Variants in AP3B1 observed in about 807,000 individuals in gnomAD.
AP3B1 encodes adaptor related protein complex 3 subunit beta 1.
Under a neutral mutation model 132.5 loss-of-function variants are expected in AP3B1, and 61 were observed. The observed-to-expected ratio is 0.46, with a 90% CI of 0.37 to 0.57. AP3B1 has a LOEUF of 0.57. Among genes scored for constraint, AP3B1 ranks in the 20% least tolerant of loss-of-function variants. AP3B1 has a pLI of 0.00. For synonymous variants in AP3B1, 388 were observed against 438.3 expected (o/e 0.89, Z 1.43); for missense variants, 1,120 against 1,289.4 (o/e 0.87, Z 2.01).
At chr5:78,100,267 C>A (rs1459681512) in intron 21 of AP3B1, among the ~76,000 whole-genome samples, 1 of 152,054 alleles carries the variant, frequency 6.6e-6, no homozygotes, top group East Asian at 1.9e-4. Flanking sequence ...AAAACTCTAT[C>A]AAAAATGATA....
chr5:78,290,383 A>G (rs1489118194), intron 1 of AP3B1, among the ~76,000 whole-genome samples: 1 of 152,176 alleles, frequency 6.6e-6, no homozygotes, highest in Non-Finnish European at 1.5e-5. Flanking sequence ...CACCATTCCC[A>G]GCCTCAGTCT....
At chr5:78,164,778 C>T (rs752695332) in intron 12 of AP3B1, among the ~76,000 whole-genome samples, 1 of 151,900 alleles carries the variant, frequency 6.6e-6, no homozygotes, top group African/African-American at 2.4e-5. Context: ...GTTTAAAAAT[C>T]ACATAGCTAA....
intron 22 of AP3B1, among the ~76,000 whole-genome samples, chr5:78,065,258 A>G (rs763128135): frequency 2.7e-4 from 41 of 152,136 alleles, no homozygotes; most frequent in Admixed American, 1.8e-3. Context: ...AGCTGTGCAG[A>G]CTCTCAGTGG....
At position 78,034,349 on chromosome 5, in the gene AP3B1, A is replaced by G. The variant is rs765560574; in HGVS notation, c.2894+12T>C. 1.9e-6 allele frequency: 3 copies of G among 1,600,488 alleles called. No individual in the cohort carries two copies. The highest frequency in any genetic ancestry group is 2.7e-5 in the African/African-American group (2 of 74,714). Reference sequence around the variant, plus strand: ...CAGGTTATATAAAAAATAGAAGAACAATTGAACTTACCACAACTGGAAACT... The same window carrying G: ...CAGGTTATATAAAAAATAGAAGAACGATTGAACTTACCACAACTGGAAACT... On this transcript the variant is annotated intron_variant, in intron 24 of 26. Coordinates refer to ENST00000255194, the MANE Select transcript of AP3B1 (RefSeq NM_003664.5).
At chr5:78,019,930 T>G (rs1343668732) in intron 25 of AP3B1, among the ~76,000 whole-genome samples, 1 of 152,074 alleles carries the variant, frequency 6.6e-6, no homozygotes, top group Non-Finnish European at 1.5e-5. Context: ...CACATAAAGT[T>G]GTAAAAACTG....
intron 22 of AP3B1, among the ~76,000 whole-genome samples, chr5:78,062,880 C>T (rs1269187714): frequency 1.3e-5 from 2 of 152,132 alleles, no homozygotes. Flanking sequence ...TGAGGCTGGG[C>T]TGATGGGCAC....
chr5:78,060,442 T>C (rs1748997046), intron 22 of AP3B1, among the ~76,000 whole-genome samples: 1 of 152,226 alleles, frequency 6.6e-6, no homozygotes. Context: ...TTTGTGGATA[T>C]TCCATATGGG....
At chr5:78,110,605 C>T (rs1257887957) in intron 19 of AP3B1, among the ~76,000 whole-genome samples, 1 of 151,462 alleles carries the variant, frequency 6.6e-6, no homozygotes, top group Non-Finnish European at 1.5e-5. Context: ...GTTTGATTTA[C>T]CAAGAATTAA....
At chr5:78,259,269 G>GAAAT (rs1375558155) in intron 2 of AP3B1, among the ~76,000 whole-genome samples, 30 of 150,510 alleles carry the variant, frequency 2.0e-4, no homozygotes, top group Non-Finnish European at 3.7e-4. Context: ...AAGAAAGAAA[G>GAAAT]AAAGACAAAC....
At chr5:78,146,116 G>A (rs922291694) in intron 14 of AP3B1, among the ~76,000 whole-genome samples, 9 of 152,124 alleles carry the variant, frequency 5.9e-5, no homozygotes, top group Admixed American at 2.6e-4. Context: ...ACTTGCCTAC[G>A]TTTAGGAGTT....
At chr5:78,255,410 C>T (rs1251919278) in intron 2 of AP3B1, among the ~76,000 whole-genome samples, 3 of 151,768 alleles carry the variant, frequency 2.0e-5, no homozygotes, top group African/African-American at 7.3e-5. Context: ...AAATGACATT[C>T]CATCCCAATG....
At chr5:78,239,015 A>G (rs1445692383) in intron 3 of AP3B1, among the ~76,000 whole-genome samples, 2 of 151,666 alleles carry the variant, frequency 1.3e-5, no homozygotes, top group East Asian at 3.9e-4. Flanking sequence ...TGGCAATACT[A>G]ATAACAAATC....
intron 17 of AP3B1, among the ~76,000 whole-genome samples, chr5:78,125,664 T>G (rs1359123446): frequency 6.6e-6 from 1 of 152,214 alleles, no homozygotes. Context: ...AGCTGTTTTC[T>G]GCATGGCATC....
intron 25 of AP3B1, among the ~76,000 whole-genome samples, chr5:78,018,892 A>C (rs1257418330): frequency 6.6e-6 from 1 of 152,122 alleles, no homozygotes; most frequent in Non-Finnish European, 1.5e-5. Context: ...GACCTCTATT[A>C]CCAAACCTGC....
intron 12 of AP3B1, among the ~76,000 whole-genome samples, chr5:78,163,765 A>G (rs1280080203): frequency 1.3e-5 from 2 of 151,682 alleles, no homozygotes; most frequent in Non-Finnish European, 2.9e-5. Context: ...ATGGCCCTAG[A>G]GAATTTCACT....
At chr5:78,039,363 C>A in intron 22 of AP3B1, 89 bp from the exon 23 acceptor site, 1 of 1,025,094 alleles carries the variant, frequency 9.8e-7, no homozygotes, top group Non-Finnish European at 1.5e-6. Context: ...ACATTTAATT[C>A]TTGGTTCCCC....
chr5:78,084,556 AGAAAAGGAAGAG>A (rs1286863193), intron 22 of AP3B1, among the ~76,000 whole-genome samples: 2 of 148,644 alleles, frequency 1.3e-5, no homozygotes, highest in South Asian at 2.1e-4. Flanking sequence ...AGAAAAGAAG[AGAAAAGGAAGAG>A]GAAAAGGAAA....
chr5:78,243,558 T>C (rs894027065), intron 2 of AP3B1, among the ~76,000 whole-genome samples: 2 of 151,558 alleles, frequency 1.3e-5, no homozygotes, highest in African/African-American at 4.8e-5. Flanking sequence ...CAATAAACAA[T>C]AATAGTGAGG....
rs35911405 is a variant in AP3B1 at position 78,024,862 on chromosome 5, CTTTTTTT to C, written c.2895-4080_2895-4074del. Among the ~76,000 whole-genome samples, 253 of 130,030 alleles carry C rather than the reference CTTTTTTT, an allele frequency of 1.9e-3. 1 individual carries two copies. Among genetic ancestry groups the C allele is most frequent in the South Asian group, 9.5e-3 (38 of 4,002 alleles). 85.3% of individuals were successfully genotyped at this position (130,030 alleles called of 152,430 possible). ...ACAGGTGTGAGTCACTGCGCCTGGC[CTTTTTTT>C]TTTTTTTTTTGTAAAGACAGAGTCT... On this transcript the variant is annotated intron_variant, in intron 24 of 26. Transcript: ENST00000255194.
Sources: gnomAD v4.1 joint callset for allele counts (sites outside exome capture counted in the v4.1 genomes callset) on GRCh38, gnomAD v4.1.1 for gene constraint, MANE v1.5 for transcripts, NCBI Gene and HGNC (gene_info 2026-07-23, HGNC 2026-07-21) for gene names.